Variants in PCNX3 observed in about 807,000 individuals in gnomAD.
PCNX3 encodes the protein pecanex-like protein 3.
A neutral mutation model predicts 207.2 loss-of-function variants in PCNX3; 58 were observed. The ratio of observed to expected loss-of-function variants is 0.28; its 90% CI spans 0.23 to 0.35. The LOEUF is 0.35. Ranked by LOEUF, PCNX3 falls within the 10% of genes least tolerant of loss-of-function variation. PCNX3 has a pLI of 1.00. For synonymous variants in PCNX3, 1,337 were observed against 1,183.5 expected (o/e 1.13, Z -2.66); for missense variants, 2,410 against 2,774.4 (o/e 0.87, Z 2.95).
At chr11:65,624,424 C>T (rs372680716) in intron 14 of PCNX3, 47 bp from the exon 15 acceptor site, 80 of 1,553,242 alleles carry the variant, frequency 5.2e-5, no homozygotes, top group Non-Finnish European at 6.3e-5. Flanking sequence ...GGGTGGGCCG[C>T]GGAAAGCCAG....
intron 26 of PCNX3, 129 bp from the exon 27 acceptor site, chr11:65,630,222 A>G: frequency 7.5e-7 from 1 of 1,333,580 alleles, no homozygotes; most frequent in Non-Finnish European, 1.0e-6. Flanking sequence ...GCATCCAATA[A>G]GGTTGACTCC....
intron 22 of PCNX3, 100 bp from the exon 23 acceptor site, chr11:65,628,495 G>T: frequency 8.5e-7 from 1 of 1,170,582 alleles, no homozygotes. Context: ...CGTGGGCCAA[G>T]CCAGTGCGAT....
In PCNX3 at chr11:65,636,180, C is replaced by A. The variant is rs7114037; in HGVS notation, c.5466C>A (p.His1822Gln). The change falls in exon 33 of 35, where the codon CAC becomes CAA. Residue 1822 changes from histidine to glutamine, a missense_variant. His to Gln is a conservative substitution (Grantham distance 24). Around this residue, in one of 8 missense-constraint regions of PCNX3, gnomAD observed 59 missense variants for 83.9 expected, o/e 0.70. Transcript: ENST00000355703. ...HWLLRTWERL[H>Q]KGCGAGCNSG... is the part of the protein sequence containing the mutation. ...TCTACCTCTCCACCCCCAGGCTTCA[C>A]AAGGGCTGTGGCGCCGGCTGCAATA... is the stretch of plus-strand genomic sequence containing the variant. The A allele has an allele frequency of 0.044, 71,028 of 1,600,804 alleles. 1,842 individuals are homozygous for A. The highest frequency in any genetic ancestry group is 0.053 in the Non-Finnish European group (61,936 of 1,173,526).
chr11:65,616,998 A>G lies in PCNX3; in HGVS notation c.328A>G (p.Ser110Gly). Residue 110 changes from serine to glycine, a missense_variant, in exon 2 of 35, where the codon AGC (serine) becomes GGC (glycine). Transcript: ENST00000355703. ...ELEEEPAQGD[S>G]NPPRDPGVEM... is the part of the protein sequence containing the mutation. ...GGAGGAAGAGCCTGCCCAGGGGGAC[A>G]GCAATCCACCCAGGTGGGTGGGGTA... The G allele has an allele frequency of 6.2e-7, 1 of 1,610,288 alleles. No individual in the cohort carries two copies. The highest frequency in any genetic ancestry group is 1.1e-5 in the South Asian group (1 of 90,752).
At position 65,635,037 on chromosome 11, in the gene PCNX3, C is replaced by T. The variant is rs376794148; in HGVS notation, c.4870C>T (p.Arg1624Cys). The T allele has an allele frequency of 1.8e-4, 283 of 1,613,828 alleles. No individual in the cohort carries two copies. Among genetic ancestry groups the T allele is most frequent in the Non-Finnish European group, 2.3e-4 (269 of 1,179,866 alleles). The part of the protein sequence containing the change: ...FKGDFRITSP[R>C]DEWVFADMDL... ...GGGGGATTTTCGCATCACCTCCCCACGTGACGAGTGGGTCTTTGCCGACAT... is the reference window on the plus strand; with the variant it reads ...GGGGGATTTTCGCATCACCTCCCCATGTGACGAGTGGGTCTTTGCCGACAT... Residue 1624 changes from arginine (R) to cysteine (C), a missense_variant, in exon 30 of 35, where the codon CGT (arginine) becomes TGT (cysteine). By Grantham distance (180) the Arg-to-Cys change is radical. Around this residue, in one of 8 missense-constraint regions of PCNX3, gnomAD observed 420 missense variants for 705.3 expected, o/e 0.60. Coordinates refer to ENST00000355703, the MANE Select transcript of PCNX3 (RefSeq NM_032223.4). The surrounding 1 kb of genome is among the most constrained non-coding windows in gnomAD (Gnocchi z 9.9).
chr11:65,617,570 G>C (rs775353246), intron 4 of PCNX3, 41 bp from the exon 5 acceptor site: 1 of 1,613,616 alleles, frequency 6.2e-7, no homozygotes, highest in Admixed American at 1.7e-5. Flanking sequence ...GGCGTGCTGT[G>C]CCAGGGGGTC....
chr11:65,626,829 C>T (rs778808843), intron 20 of PCNX3, 75 bp from the exon 21 acceptor site: 5 of 1,545,842 alleles, frequency 3.2e-6, no homozygotes, highest in Non-Finnish European at 4.4e-6. Flanking sequence ...CACAGCCTGC[C>T]CTCCTAGGGA....
At chr11:65,617,904 C>T (rs774216410) in intron 5 of PCNX3, 36 bp from the exon 6 acceptor site, 42 of 1,541,604 alleles carry the variant, frequency 2.7e-5, no homozygotes, top group South Asian at 9.8e-5. Flanking sequence ...TGCAGAAAAC[C>T]CTTTTTTCAT....
In PCNX3 at chr11:65,618,316, C is replaced by T. The variant is rs1340447300; in HGVS notation, c.954C>T (p.Thr318=). 3 of 1,609,966 alleles carry T rather than the reference C, an allele frequency of 1.9e-6. No individual in the cohort carries two copies. The highest frequency in any genetic ancestry group is 1.7e-5 in the Admixed American group (1 of 59,924). Residue 318 remains threonine (T), a synonymous_variant, in exon 6 of 35, where the codon ACC becomes ACT. Transcript: ENST00000355703. ...ETLSSFKSEK[T]NSTHLDSPPG... Reference sequence around the variant, plus strand: ...TGAGCAGCTTCAAGAGTGAGAAGACCAACTCCACCCATCTGGACAGCCCCC... The same window carrying T: ...TGAGCAGCTTCAAGAGTGAGAAGACTAACTCCACCCATCTGGACAGCCCCC...
At position 65,636,901 on chromosome 11, in the gene PCNX3, G is replaced by T; in HGVS notation, c.6028G>T (p.Ala2010Ser). The change falls in exon 35 of 35, where the codon GCC (alanine) becomes TCC (serine). Residue 2010 changes from alanine (A) to serine (S), a missense_variant. Around this residue, in one of 8 missense-constraint regions of PCNX3, gnomAD observed 278 missense variants for 245.1 expected, o/e 1.13. Transcript: ENST00000355703. ...SAPESGTPMG[A>S]LGDWPAPIEE... is the part of the protein sequence containing the mutation. The stretch of plus-strand genomic sequence containing the variant: ...CCCTGAGAGTGGCACACCTATGGGT[G>T]CCCTGGGCGACTGGCCTGCCCCTAT... The T allele has an allele frequency of 6.4e-7, 1 of 1,555,542 alleles. No individual in the cohort carries two copies. The highest frequency in any genetic ancestry group is 1.2e-5 in the South Asian group (1 of 84,354).
Position 65,623,654 on chromosome 11 carries a change from G to A in PCNX3, c.2511+10G>A. 1 of 1,609,038 alleles carries A rather than the reference G, an allele frequency of 6.2e-7. No homozygotes were observed. The highest frequency in any genetic ancestry group is 8.5e-7 in the Non-Finnish European group (1 of 1,177,654). ...GTACTCCTTGCTGAAGGTCAGGCCGGGCTCTCTGTGTTTCCTTCCCCACCC... is the reference window on the plus strand; with the variant it reads ...GTACTCCTTGCTGAAGGTCAGGCCGAGCTCTCTGTGTTTCCTTCCCCACCC... On this transcript the variant is annotated intron_variant, in intron 12 of 34. Transcript: ENST00000355703.
At chr11:65,628,230 A>G (rs1456336284) in intron 22 of PCNX3, among the ~76,000 whole-genome samples, 1 of 152,182 alleles carries the variant, frequency 6.6e-6, no homozygotes, top group Admixed American at 6.5e-5. Flanking sequence ...TTTCAGTACT[A>G]TAGTCTAGCT....
intron 21 of PCNX3, 75 bp downstream of exon 21, chr11:65,627,123 G>C (rs7941303): frequency 8.3e-6 from 12 of 1,442,110 alleles, no homozygotes; most frequent in Non-Finnish European, 1.1e-5. Context: ...GAGGCCTAGA[G>C]AGGGAATGAA....
intron 15 of PCNX3, 88 bp from the exon 16 acceptor site, chr11:65,624,837 G>A (rs1855296713): frequency 7.3e-7 from 1 of 1,361,892 alleles, no homozygotes; most frequent in East Asian, 2.4e-5. Flanking sequence ...AGGGAGGCCA[G>A]CCTCTGGGAG....
chr11:65,623,000 C>G (rs1373445320), intron 11 of PCNX3, among the ~76,000 whole-genome samples: 3 of 151,698 alleles, frequency 2.0e-5, no homozygotes, highest in Non-Finnish European at 2.9e-5. Context: ...TTTCCCATTT[C>G]TCAGAGGGGA....
Position 65,618,216 on chromosome 11 carries a change from G to C in PCNX3, c.854G>C (p.Arg285Pro), listed in dbSNP as rs767582990. Residue 285 changes from arginine (R) to proline (P), a missense_variant, in exon 6 of 35, where the codon CGG becomes CCG. Coordinates refer to ENST00000355703, the MANE Select transcript of PCNX3 (RefSeq NM_032223.4). ...GAGGYQPLDR[R>P]GSGEPTPQKA... is the part of the protein sequence containing the mutation. ...GGTGGCTATCAGCCCCTTGACCGGCGGGGCTCAGGGGAGCCCACGCCCCAG... is the reference window on the plus strand; with the variant it reads ...GGTGGCTATCAGCCCCTTGACCGGCCGGGCTCAGGGGAGCCCACGCCCCAG... 2 of 1,601,200 alleles carry C rather than the reference G, an allele frequency of 1.2e-6. No individual in the cohort carries two copies. Among genetic ancestry groups the C allele is most frequent in the African/African-American group, 2.7e-5 (2 of 74,136 alleles).
chr11:65,623,288 G>T (rs1035247611), intron 11 of PCNX3, among the ~76,000 whole-genome samples: 7 of 151,692 alleles, frequency 4.6e-5, no homozygotes, highest in African/African-American at 1.5e-4. Context: ...AGATTGGGAA[G>T]GAGAGAGCAA....
chr11:65,620,581 ACCT>A (rs1194619695), intron 9 of PCNX3, among the ~76,000 whole-genome samples, 152 bp downstream of exon 9: 5 of 151,852 alleles, frequency 3.3e-5, no homozygotes, highest in Non-Finnish European at 7.4e-5. Flanking sequence ...CAAAGGACAG[ACCT>A]CCTGGGGTCC....
chr11:65,620,477 A>G, intron 9 of PCNX3, 48 bp downstream of exon 9: 1 of 1,588,572 alleles, frequency 6.3e-7, no homozygotes, highest in South Asian at 1.1e-5. Context: ...GGTGGCCTGC[A>G]TCTCTGGGAA....
Sources: gnomAD v4.1 joint callset for allele counts (sites outside exome capture counted in the v4.1 genomes callset) on GRCh38, gnomAD v4.1.1 for gene constraint, gnomAD v4.1.1 regional missense constraint, Gnocchi (gnomAD v3.1) non-coding constraint, MANE v1.5 for transcripts, NCBI Gene and HGNC (gene_info 2026-07-23, HGNC 2026-07-21) for gene names.